ATL2: variants seen among roughly 807,000 people sequenced by gnomAD.
ATL2 encodes the protein atlastin-2.
A neutral mutation model predicts 73.9 loss-of-function variants in ATL2; 31 were observed. The ratio of observed to expected loss-of-function variants is 0.42; its 90% confidence interval spans 0.32 to 0.57. ATL2 has a LOEUF of 0.57. Ranked by LOEUF, ATL2 falls within the 20% of genes least tolerant of loss-of-function variation. The pLI, the probability that ATL2 is intolerant of heterozygous loss-of-function variation, is 0.14. For missense variants in ATL2, 738 were observed against 702.6 expected, an observed-to-expected ratio of 1.05 and a Z score of -0.57; for synonymous variants, 291 against 237.5, an observed-to-expected ratio of 1.23 and a Z score of -2.07.
intron 1 of ATL2, among the ~76,000 whole-genome samples, chr2:38,371,371 G>A (rs1021321712): frequency 1.3e-4 from 20 of 151,944 alleles, no homozygotes; most frequent in African/African-American, 4.4e-4. Context: ...AGCCAGGTGT[G>A]GTAGCACACT....
intron 1 of ATL2, among the ~76,000 whole-genome samples, chr2:38,347,013 T>C (rs192277961): frequency 6.6e-6 from 1 of 152,310 alleles, no homozygotes; most frequent in Admixed American, 6.5e-5. Context: ...CCCTGAGGCT[T>C]CCAACCAAGT....
In ATL2 at chr2:38,313,072, T is replaced by G. The variant is rs549967846; in HGVS notation, c.804+79A>C. 5.4e-6 allele frequency: 5 copies of G among 927,922 alleles called. No homozygotes were observed. In the East Asian group the frequency reaches 7.5e-5, roughly 14 times the overall value. The allele number at this position is 927,922 out of a possible 1,614,324, so 57.5% of individuals were successfully genotyped here. ...TCCAACGACACGTAAATACTGGTAA[T>G]GTGACCAGCAGTCCGGACAGCCCAC... is the stretch of plus-strand genomic sequence containing the variant. On this transcript the variant is annotated intron_variant, in intron 7 of 12. Coordinates refer to ENST00000378954, the MANE Select transcript of ATL2 (RefSeq NM_001135673.4).
At chr2:38,359,935 C>A (rs946597399) in intron 1 of ATL2, among the ~76,000 whole-genome samples, 6 of 151,984 alleles carry the variant, frequency 3.9e-5, no homozygotes, top group African/African-American at 1.4e-4. Context: ...CAAAACCAGC[C>A]TGGCCAATAT....
chr2:38,365,027 G>A (rs1406694663), intron 1 of ATL2, among the ~76,000 whole-genome samples: 1 of 149,384 alleles, frequency 6.7e-6, no homozygotes, highest in Non-Finnish European at 1.5e-5. Flanking sequence ...CTGGGGTACA[G>A]AGCGAGACTC....
chr2:38,361,106 C>A (rs1312403369), intron 1 of ATL2, among the ~76,000 whole-genome samples: 2 of 152,014 alleles, frequency 1.3e-5, no homozygotes, highest in East Asian at 1.9e-4. Context: ...GTAATCCCAG[C>A]ACTTTGGGAG....
chr2:38,364,355 GGAGA>G (rs760215832), intron 1 of ATL2, among the ~76,000 whole-genome samples: 1 of 152,212 alleles, frequency 6.6e-6, no homozygotes, highest in Non-Finnish European at 1.5e-5. Flanking sequence ...TCAGAGCAGA[GGAGA>G]GAGAGTCAAA....
chr2:38,354,839 G>A (rs1006870731), intron 1 of ATL2, among the ~76,000 whole-genome samples: 3 of 152,072 alleles, frequency 2.0e-5, no homozygotes, highest in African/African-American at 7.2e-5. Flanking sequence ...GCAGTGAGCC[G>A]AGATTGTGCC....
intron 9 of ATL2, among the ~76,000 whole-genome samples, chr2:38,308,112 C>G (rs759840113): frequency 2.0e-5 from 3 of 151,872 alleles, no homozygotes; most frequent in African/African-American, 4.8e-5. Context: ...AGGTATATAC[C>G]CAAAAGAAAA....
At chr2:38,375,526 G>A (rs947599789) in intron 1 of ATL2, among the ~76,000 whole-genome samples, 1 of 151,992 alleles carries the variant, frequency 6.6e-6, no homozygotes, top group Non-Finnish European at 1.5e-5. Flanking sequence ...AGATACCACA[G>A]CACAACAACG....
intron 9 of ATL2, among the ~76,000 whole-genome samples, chr2:38,305,945 A>T (rs1171559582): frequency 6.6e-6 from 1 of 152,182 alleles, no homozygotes; most frequent in African/African-American, 2.4e-5. Flanking sequence ...AATACAAAAG[A>T]TCAATGAAGC....
intron 1 of ATL2, chr2:38,376,218 C>T (rs1671954608): frequency 1.3e-6 from 2 of 1,492,978 alleles, no homozygotes. Flanking sequence ...TCAATTCGCA[C>T]CACAGTGAGA....
At chr2:38,368,080 G>A (rs376272366) in intron 1 of ATL2, among the ~76,000 whole-genome samples, 18 of 149,822 alleles carry the variant, frequency 1.2e-4, no homozygotes, top group Middle Eastern at 3.5e-3. Context: ...GACTACAGGC[G>A]CCTGCCACCA....
intron 4 of ATL2, 189 bp downstream of exon 4, chr2:38,318,346 G>T (rs1050692857): frequency 5.0e-6 from 2 of 399,000 alleles, no homozygotes; most frequent in African/African-American, 2.1e-5. Context: ...GGGCATGGTG[G>T]CGGGGGCCTG....
chr2:38,373,055 G>A (rs376190948), intron 1 of ATL2, among the ~76,000 whole-genome samples: 126 of 152,092 alleles, frequency 8.3e-4, no homozygotes, highest in African/African-American at 3.0e-3. Context: ...AAACTTTAAA[G>A]TACTACAAAA....
At chr2:38,341,918 C>G in intron 2 of ATL2, among the ~76,000 whole-genome samples, 1 of 152,270 alleles carries the variant, frequency 6.6e-6, no homozygotes, top group East Asian at 1.9e-4. Context: ...GGTGTTTAGA[C>G]AATTACCTAA....
chr2:38,349,131 T>C (rs1024788922), intron 1 of ATL2, among the ~76,000 whole-genome samples: 1 of 151,972 alleles, frequency 6.6e-6, no homozygotes, highest in Non-Finnish European at 1.5e-5. Context: ...CTCAGGGATC[T>C]AGAACTAGAA....
At chr2:38,310,015 C>G (rs911384966) in intron 8 of ATL2, among the ~76,000 whole-genome samples, 5 of 152,064 alleles carry the variant, frequency 3.3e-5, no homozygotes, top group Admixed American at 2.0e-4. Flanking sequence ...AATGATAAAG[C>G]CTTTTAGCAG....
intron 9 of ATL2, among the ~76,000 whole-genome samples, chr2:38,306,210 C>T (rs765786743): frequency 4.6e-5 from 7 of 152,114 alleles, no homozygotes; most frequent in African/African-American, 1.2e-4. Context: ...ATCTAAAACC[C>T]GTACAGACCA....
intron 1 of ATL2, among the ~76,000 whole-genome samples, chr2:38,368,892 T>A (rs1671506331): frequency 1.3e-5 from 2 of 152,016 alleles, no homozygotes; most frequent in Non-Finnish European, 2.9e-5. Flanking sequence ...AGTTCGAGAC[T>A]AGCCTGGGCA....
Sources: gnomAD v4.1 joint callset for allele counts (sites outside exome capture counted in the v4.1 genomes callset) on GRCh38, gnomAD v4.1.1 for gene constraint, MANE v1.5 for transcripts, NCBI Gene and HGNC (gene_info 2026-07-23, HGNC 2026-07-21) for gene names.